The following SORCS3 variants were observed in gnomAD, a reference collection of about 807,000 sequenced individuals.
SORCS3 encodes the protein sortilin related VPS10 domain containing receptor 3.
In SORCS3, 57 loss-of-function variants were observed where a neutral mutation model predicts 146.3. The observed-to-expected ratio is 0.39, with a 90% CI of 0.31 to 0.49. The LOEUF (loss-of-function observed/expected upper bound fraction) is 0.49, where lower values mean the gene tolerates loss of function less well. SORCS3 is among the 20% of genes least tolerant of loss of function. The pLI, the probability that SORCS3 is intolerant of heterozygous loss-of-function variation, is 0.92. For missense variants in SORCS3, 1,341 were observed against 1,575.5 expected, an observed-to-expected ratio of 0.85 and a Z score of 2.52; for synonymous variants, 653 against 618.5, an observed-to-expected ratio of 1.06 and a Z score of -0.83.
At chr10:104,820,074 G>C (rs559920153) in intron 1 of SORCS3, among the ~76,000 whole-genome samples, 50 of 152,298 alleles carry the variant, frequency 3.3e-4, no homozygotes, top group African/African-American at 1.1e-3. Context: ...TATGCACCAA[G>C]CTGTCATGGT....
intron 1 of SORCS3, among the ~76,000 whole-genome samples, chr10:104,663,908 C>T (rs1407810894): frequency 6.6e-6 from 1 of 152,142 alleles, no homozygotes; most frequent in Non-Finnish European, 1.5e-5. Context: ...CCCACCCCGG[C>T]CTCTCTGAAT....
At chr10:104,849,668 G>A (rs2018253041) in intron 2 of SORCS3, among the ~76,000 whole-genome samples, 1 of 152,142 alleles carries the variant, frequency 6.6e-6, no homozygotes, top group Non-Finnish European at 1.5e-5. Flanking sequence ...ATCTCATATA[G>A]GTTTTGTGGA....
intron 2 of SORCS3, among the ~76,000 whole-genome samples, chr10:104,896,739 A>G (rs1231514294): frequency 6.6e-6 from 1 of 152,256 alleles, no homozygotes; most frequent in Non-Finnish European, 1.5e-5. Flanking sequence ...TACCTTAGAA[A>G]TAAGGTGAAC....
intron 20 of SORCS3, among the ~76,000 whole-genome samples, chr10:105,241,584 A>G (rs1302608856): frequency 2.0e-5 from 3 of 152,156 alleles, no homozygotes; most frequent in Non-Finnish European, 2.9e-5. Flanking sequence ...CTTGTCTGGC[A>G]TCCAAGAAGA....
chr10:104,928,481 G>C (rs2019172817), intron 3 of SORCS3, among the ~76,000 whole-genome samples: 1 of 152,120 alleles, frequency 6.6e-6, no homozygotes, highest in African/African-American at 2.4e-5. Flanking sequence ...CTGAGGTAGA[G>C]ATATCTGTAA....
At chr10:104,733,824 C>T (rs1418613242) in intron 1 of SORCS3, among the ~76,000 whole-genome samples, 2 of 152,122 alleles carry the variant, frequency 1.3e-5, no homozygotes, top group Non-Finnish European at 2.9e-5. Context: ...TCTTGTTGAG[C>T]AAACCTGCAA....
At position 105,169,332 on chromosome 10, in the gene SORCS3, A is replaced by T. The variant is rs147322790; in HGVS notation, c.1901+1983A>T. ...TCAAGATAAGGTGTTTAGGCAGTACATGTGTGACTAGAAGTGAAAGCAATG... is the reference window on the plus strand; with the variant it reads ...TCAAGATAAGGTGTTTAGGCAGTACTTGTGTGACTAGAAGTGAAAGCAATG... On this transcript the variant is annotated intron_variant, in intron 13 of 26. Coordinates refer to ENST00000369701, the MANE Select transcript of SORCS3 (RefSeq NM_014978.3). Among the ~76,000 whole-genome samples the T allele has an allele frequency of 1.7e-3, 254 of 152,212 alleles. 6 individuals are homozygous for T. The South Asian group carries it at 0.045, about 27-fold the overall frequency.
At chr10:104,876,083 C>T (rs547513244) in intron 2 of SORCS3, among the ~76,000 whole-genome samples, 1 of 152,192 alleles carries the variant, frequency 6.6e-6, no homozygotes, top group South Asian at 2.1e-4. Flanking sequence ...GTATTTCTCA[C>T]CTTGACATGG....
chr10:104,878,841 G>A (rs2018602165), intron 2 of SORCS3, among the ~76,000 whole-genome samples: 1 of 152,186 alleles, frequency 6.6e-6, no homozygotes, highest in Admixed American at 6.5e-5. Flanking sequence ...TGTGTTGGAT[G>A]TTCTAGGAAA....
At chr10:105,081,384 T>C (rs1298280743) in intron 5 of SORCS3, among the ~76,000 whole-genome samples, 1 of 152,142 alleles carries the variant, frequency 6.6e-6, no homozygotes, top group Non-Finnish European at 1.5e-5. Flanking sequence ...TGTTCCAAGT[T>C]GGATTCTAGG....
chr10:104,653,204 G>C (rs2015584393), intron 1 of SORCS3, among the ~76,000 whole-genome samples: 1 of 152,036 alleles, frequency 6.6e-6, no homozygotes, highest in Admixed American at 6.6e-5. Flanking sequence ...ATGTCAGTGT[G>C]GTGTATAAAT....
chr10:105,223,121 G>T lies in SORCS3; in HGVS notation c.2740G>T (p.Val914Leu). Residue 914 changes from valine to leucine, a missense_variant, in exon 20 of 27, where the codon GTG becomes TTG. By Grantham distance (32) the Val-to-Leu change is conservative. Coordinates refer to ENST00000369701, the MANE Select transcript of SORCS3 (RefSeq NM_014978.3). ...TTTTTTTTCTGTTTCCTTAGGTCCT[G>T]TGGAGCATGTTCATCTCCGAGTTCC... The part of the protein sequence containing the change: ...AVLFLHVVCP[V>L]EHVHLRVPFV... The T allele has an allele frequency of 6.2e-7, 1 of 1,605,644 alleles. No homozygotes were observed. The highest frequency in any genetic ancestry group is 8.5e-7 in the Non-Finnish European group (1 of 1,174,444).
chr10:105,001,061 G>A (rs147955748), intron 4 of SORCS3, among the ~76,000 whole-genome samples: 203 of 152,218 alleles, frequency 1.3e-3, no homozygotes, highest in Middle Eastern at 6.8e-3. Context: ...GTTGGGAGAT[G>A]GGGTTCTATC....
At chr10:104,992,001 A>C (rs1589583027) in intron 4 of SORCS3, among the ~76,000 whole-genome samples, 1 of 152,222 alleles carries the variant, frequency 6.6e-6, no homozygotes, top group Admixed American at 6.5e-5. Flanking sequence ...TTGCTGAATA[A>C]TGAAAGTCTT....
At chr10:104,738,753 A>T (rs2016807472) in intron 1 of SORCS3, among the ~76,000 whole-genome samples, 1 of 152,194 alleles carries the variant, frequency 6.6e-6, no homozygotes, top group Admixed American at 6.5e-5. Context: ...ATGGAGAACA[A>T]TTCATTGTTG....
At chr10:104,821,954 A>C (rs2017877523) in intron 1 of SORCS3, 1 of 375,784 alleles carries the variant, frequency 2.7e-6, no homozygotes, top group South Asian at 2.1e-5. Flanking sequence ...GAATAAAATA[A>C]CCTTGAATGA....
intron 8 of SORCS3, among the ~76,000 whole-genome samples, chr10:105,142,749 C>T (rs2056104262): frequency 6.6e-6 from 1 of 152,126 alleles, no homozygotes; most frequent in Admixed American, 6.6e-5. Flanking sequence ...TCTGCCTTCA[C>T]TTCAAGGTGC....
At chr10:105,234,927 A>C (rs1448711081) in intron 20 of SORCS3, among the ~76,000 whole-genome samples, 1 of 151,766 alleles carries the variant, frequency 6.6e-6, no homozygotes, top group Non-Finnish European at 1.5e-5. Context: ...TTTTTTCTTC[A>C]CAGCTGGACA....
At chr10:105,104,591 G>A (rs1171143489) in intron 6 of SORCS3, among the ~76,000 whole-genome samples, 2 of 152,192 alleles carry the variant, frequency 1.3e-5, no homozygotes, top group Non-Finnish European at 2.9e-5. Flanking sequence ...AGAAGTGAAT[G>A]CATTCTTGTT....
Sources: allele counts gnomAD v4.1 joint callset (sites outside exome capture counted in the v4.1 genomes callset), GRCh38; gene constraint gnomAD v4.1.1; transcripts MANE v1.5; gene names NCBI Gene and HGNC (gene_info 2026-07-23, HGNC 2026-07-21).